Variants in MAP2K2 observed in about 807,000 individuals in gnomAD.
The protein encoded by MAP2K2 is dual specificity mitogen-activated protein kinase kinase 2.
Under a neutral mutation model 43.7 loss-of-function variants are expected in MAP2K2, and 24 were observed. The ratio of observed to expected loss-of-function variants is 0.55; its 90% CI spans 0.40 to 0.77. The LOEUF is 0.77. Ranked by LOEUF, MAP2K2 falls within the 30% of genes least tolerant of loss-of-function variation. The pLI, the probability that MAP2K2 is intolerant of heterozygous loss-of-function variation, is 0.00. For synonymous variants in MAP2K2, 244 were observed against 239.7 expected (o/e 1.02, Z -0.17); for missense variants, 470 against 566.8 (o/e 0.83, Z 1.73).
chr19:4,120,561 C>G (rs1052488331), intron 1 of MAP2K2, among the ~76,000 whole-genome samples: 5 of 152,176 alleles, frequency 3.3e-5, no homozygotes, highest in African/African-American at 1.2e-4. Context: ...AAGTAATCCA[C>G]CCACCTTGGC....
chr19:4,116,258 C>T (rs1384713291), intron 2 of MAP2K2, among the ~76,000 whole-genome samples: 2 of 152,188 alleles, frequency 1.3e-5, no homozygotes, highest in African/African-American at 2.4e-5. Flanking sequence ...TGCCCAGGCG[C>T]GGTGGCTCAT....
chr19:4,112,932 T>C (rs1408506782), intron 2 of MAP2K2, among the ~76,000 whole-genome samples: 3 of 152,194 alleles, frequency 2.0e-5, no homozygotes, highest in African/African-American at 7.2e-5. Context: ...AAAGGCCACA[T>C]TTGTTTTCAC....
intron 2 of MAP2K2, among the ~76,000 whole-genome samples, chr19:4,116,934 G>GTAAAAA (rs891015174): frequency 8.6e-5 from 13 of 152,030 alleles, no homozygotes; most frequent in African/African-American, 2.7e-4. Context: ...GTCTCAAAAA[G>GTAAAAA]TAAAAATAAA....
Position 4,122,869 on chromosome 19 carries a change from GAGGGACCCTTACCCCGTCTTTTCCTACC to G in MAP2K2, c.92+887_92+914del, listed in dbSNP as rs1257406802. Among the ~76,000 whole-genome samples the G allele has an allele frequency of 1.1e-4, 17 of 150,654 alleles. No homozygotes were observed. In the East Asian group the frequency reaches 3.4e-3, roughly 30 times the overall value. ...CCTCCCTTGGCCCTATCTCATTATT[GAGGGACCCTTACCCCGTCTTTTCCTACC>G]AGGGACCCTACCCCATCTCAGTCTC... On this transcript the variant is annotated intron_variant, in intron 1 of 10. Coordinates refer to ENST00000262948, the MANE Select transcript of MAP2K2 (RefSeq NM_030662.4).
At chr19:4,094,931 G>A (rs1568249861) in intron 9 of MAP2K2, 1 of 361,718 alleles carries the variant, frequency 2.8e-6, no homozygotes, top group Non-Finnish European at 5.2e-6. Flanking sequence ...GGGCAGCGGG[G>A]TGTCCGCAGC....
intron 4 of MAP2K2, 103 bp downstream of exon 4, chr19:4,102,273 C>T: frequency 9.7e-7 from 1 of 1,027,670 alleles, no homozygotes; most frequent in Admixed American, 2.0e-5. Flanking sequence ...AGGGGCCACC[C>T]TAACCCCCAC....
intron 8 of MAP2K2, among the ~76,000 whole-genome samples, chr19:4,095,666 C>A (rs1490234059): frequency 6.6e-6 from 1 of 151,676 alleles, no homozygotes; most frequent in Non-Finnish European, 1.5e-5. Context: ...GGGGTGCGTC[C>A]CCCTTTTATC....
chr19:4,103,338 C>A (rs2041041465), intron 3 of MAP2K2: 1 of 855,814 alleles, frequency 1.2e-6, no homozygotes. Context: ...GGGACCAAAA[C>A]CCCCAAATGC....
Position 4,101,842 on chromosome 19 carries a change from G to C in MAP2K2, c.528+534C>G, listed in dbSNP as rs1029242359. Among the ~76,000 whole-genome samples, 14 of 152,180 alleles carry C rather than the reference G, an allele frequency of 9.2e-5. No homozygotes were observed. The highest frequency in any genetic ancestry group is 3.1e-4 in the African/African-American group (13 of 41,438). ...CTGTGTCTTAATCCAACACTGGTAT[G>C]GGCAGGCGGGACTCGGCCCCTGCTA... is the stretch of plus-strand genomic sequence containing the variant. On this transcript the variant is annotated intron_variant, in intron 4 of 10. Transcript: ENST00000262948. The surrounding 1 kb of genome is among the most constrained non-coding windows in gnomAD (Gnocchi z 6.3).
At chr19:4,102,802 C>A in intron 3 of MAP2K2, 1 of 1,238,662 alleles carries the variant, frequency 8.1e-7, no homozygotes, top group Non-Finnish European at 1.0e-6. Context: ...GGGGCCCGCA[C>A]TCCCTGCAGC....
chr19:4,095,880 T>C (rs2145044287), intron 8 of MAP2K2, among the ~76,000 whole-genome samples: 1 of 152,314 alleles, frequency 6.6e-6, no homozygotes, highest in East Asian at 1.9e-4. Flanking sequence ...GTTCAAGGGA[T>C]TCTCCAGCCT....
intron 3 of MAP2K2, among the ~76,000 whole-genome samples, chr19:4,105,471 CTG>C (rs2041074706): frequency 2.0e-5 from 3 of 151,924 alleles, no homozygotes; most frequent in East Asian, 1.9e-4. Context: ...GGTTTCACTA[CTG>C]GTGTTAGCCA....
intron 9 of MAP2K2, chr19:4,095,026 G>T (rs968818227): frequency 1.6e-5 from 6 of 364,424 alleles, no homozygotes; most frequent in African/African-American, 1.2e-4. Context: ...AATGGAGTGG[G>T]GCTGGCGACC....
intron 1 of MAP2K2, among the ~76,000 whole-genome samples, chr19:4,118,863 A>G (rs1394006281): frequency 6.6e-6 from 1 of 152,244 alleles, no homozygotes; most frequent in African/African-American, 2.4e-5. Context: ...TTCAGAGGAA[A>G]TTTCGACAGT....
intron 3 of MAP2K2, among the ~76,000 whole-genome samples, chr19:4,108,208 T>G (rs959953339): frequency 3.3e-5 from 5 of 152,158 alleles, no homozygotes; most frequent in Admixed American, 6.5e-5. Context: ...GCTCACCCAA[T>G]GCTTTAAAAA....
At chr19:4,112,727 C>T (rs2041170209) in intron 2 of MAP2K2, among the ~76,000 whole-genome samples, 1 of 152,160 alleles carries the variant, frequency 6.6e-6, no homozygotes, top group Admixed American at 6.5e-5. Context: ...CTGCAGAATC[C>T]AGCTCCAGAC....
intron 2 of MAP2K2, among the ~76,000 whole-genome samples, chr19:4,111,978 C>T (rs1437227011): frequency 8.3e-6 from 1 of 121,086 alleles, no homozygotes; most frequent in South Asian, 2.4e-4. Flanking sequence ...AAAAACAAAA[C>T]AACAACAACA....
rs567527194 is a variant in MAP2K2, at chr19:4,104,857, G to C, written c.451-2404C>G. 4 of 152,522 alleles carry C rather than the reference G, an allele frequency of 2.6e-5. No individual in the cohort carries two copies. The East Asian group carries it at 7.7e-4, about 29-fold the overall frequency. 9.4% of individuals were successfully genotyped at this position (152,522 alleles called of 1,614,324 possible). A position where few individuals can be genotyped will look rare whatever the true frequency, so the allele number is the denominator to read the frequency against. On this transcript the variant is annotated intron_variant, in intron 3 of 10. Transcript: ENST00000262948. ...TGACATCGGGGCCAGGTCACTCTCT[G>C]GGGTGGGGCCGACCTGGGCACTGCA... is the stretch of plus-strand genomic sequence containing the variant.
chr19:4,108,639 C>T (rs2041117952), intron 3 of MAP2K2, among the ~76,000 whole-genome samples: 1 of 152,066 alleles, frequency 6.6e-6, no homozygotes, highest in African/African-American at 2.4e-5. Context: ...TGTGTGGTGT[C>T]CCCTGGGGTG....
Sources: gnomAD v4.1 joint callset for allele counts (sites outside exome capture counted in the v4.1 genomes callset) on GRCh38, gnomAD v4.1.1 for gene constraint, Gnocchi (gnomAD v3.1) non-coding constraint, MANE v1.5 for transcripts, NCBI Gene and HGNC (gene_info 2026-07-23, HGNC 2026-07-21) for gene names.